The following CECR2 variants were observed in gnomAD, a reference collection of about 807,000 sequenced individuals.
CECR2 encodes chromatin remodeling regulator CECR2.
A neutral mutation model predicts 154.5 loss-of-function variants in CECR2; 30 were observed. The observed-to-expected ratio is 0.19, with a 90% CI of 0.15 to 0.26. The LOEUF (loss-of-function observed/expected upper bound fraction) is 0.26, where lower values mean the gene tolerates loss of function less well. Ranked by LOEUF, CECR2 falls within the 10% of genes least tolerant of loss-of-function variation. The pLI is 1.00. For missense variants in CECR2, 1,743 were observed against 1,829.3 expected (o/e 0.95, Z 0.86); for synonymous variants, 725 against 683.7 (o/e 1.06, Z -0.94).
chr22:17,388,757 C>T (rs2063294092), intron 1 of CECR2, among the ~76,000 whole-genome samples: 1 of 152,258 alleles, frequency 6.6e-6, no homozygotes, highest in Middle Eastern at 3.4e-3. Context: ...CTCCTTTTAT[C>T]ATTTTTCCAC....
rs1305053671 is a variant in CECR2 at position 17,553,623 on chromosome 22, T to C, written c.*783T>C. The C allele has an allele frequency of 1.3e-5, 2 of 152,218 alleles. No individual in the cohort carries two copies. Among genetic ancestry groups the C allele is most frequent in the South Asian group, 2.1e-4 (1 of 4,830 alleles). 9.4% of individuals were successfully genotyped at this position (152,218 alleles called of 1,614,324 possible). On this transcript the variant is annotated 3_prime_UTR_variant, in exon 19 of 19. Coordinates refer to ENST00000262608, the MANE Select transcript of CECR2 (RefSeq NM_001290047.2). Reference sequence around the variant, plus strand: ...CCTGGTGTCTCCATTGGAGGCAGACTGCTCTCAGGAGACTACTAGAAGCTT... The same window carrying C: ...CCTGGTGTCTCCATTGGAGGCAGACCGCTCTCAGGAGACTACTAGAAGCTT...
chr22:17,505,876 A>G (rs1220632388), intron 7 of CECR2, among the ~76,000 whole-genome samples: 8 of 112,466 alleles, frequency 7.1e-5, no homozygotes, highest in African/African-American at 1.8e-4. Context: ...AAGCTCTCTC[A>G]CTTTGTCGCC....
At chr22:17,370,660 C>T (rs1185568189) in intron 1 of CECR2, among the ~76,000 whole-genome samples, 1 of 152,154 alleles carries the variant, frequency 6.6e-6, no homozygotes, top group Non-Finnish European at 1.5e-5. Flanking sequence ...GCCATTCTGG[C>T]CAGGCCGGAG....
chr22:17,406,519 C>T (rs2053986845), intron 1 of CECR2, among the ~76,000 whole-genome samples: 1 of 152,118 alleles, frequency 6.6e-6, no homozygotes, highest in Admixed American at 6.6e-5. Context: ...GAACAGGATT[C>T]TGTTCCTCCC....
At position 17,513,378 on chromosome 22, in the gene CECR2, C is replaced by T. The variant is rs115427344; in HGVS notation, c.954+1482C>T. Reference sequence around the variant, plus strand: ...TTGAATTGTTACGTTACGGAGCCTTCCTTTTGCCTTTCAGTAACATTTTCA... The same window carrying T: ...TTGAATTGTTACGTTACGGAGCCTTTCTTTTGCCTTTCAGTAACATTTTCA... On this transcript the variant is annotated intron_variant, in intron 8 of 18. Transcript: ENST00000262608. Among the ~76,000 whole-genome samples, 304 of 152,294 alleles carry T rather than the reference C, an allele frequency of 2.0e-3. 2 individuals carry two copies. Among genetic ancestry groups the T allele is most frequent in the African/African-American group, 7.0e-3 (292 of 41,550 alleles).
intron 1 of CECR2, among the ~76,000 whole-genome samples, chr22:17,398,292 G>A (rs552081020): frequency 1.7e-4 from 26 of 152,124 alleles, no homozygotes; most frequent in Admixed American, 8.5e-4. Context: ...GGTATGACTC[G>A]TCCGATCTGG....
At chr22:17,463,874 A>AC (rs1244214879) in intron 1 of CECR2, among the ~76,000 whole-genome samples, 1 of 152,074 alleles carries the variant, frequency 6.6e-6, no homozygotes, top group African/African-American at 2.4e-5. Flanking sequence ...AAGAGGTCCA[A>AC]GGGGTGGTTC....
At chr22:17,482,112 C>A (rs1305792370) in intron 2 of CECR2, among the ~76,000 whole-genome samples, 1 of 53,540 alleles carries the variant, frequency 1.9e-5, no homozygotes, top group South Asian at 8.9e-4. Context: ...GAGACTCTGT[C>A]TCCAAAAAAA....
chr22:17,384,117 C>T (rs577292909), intron 1 of CECR2, among the ~76,000 whole-genome samples: 120 of 152,306 alleles, frequency 7.9e-4, no homozygotes, highest in African/African-American at 2.8e-3. Context: ...ATATTTGGAC[C>T]TCCTCCCATG....
rs772234587 is a variant in CECR2 at position 17,497,457 on chromosome 22, C to T, written c.276C>T (p.Leu92=). The part of the protein sequence containing the change: ...LEDIINYRWE[L]EEGKPNPLRE... ...ACATCATCAACTACCGCTGGGAGCT[C>T]GAAGAAGGGAAGCCCAACCCTCTGA... The change falls in exon 3 of 19, where the codon CTC becomes CTT. Residue 92 remains leucine, a synonymous_variant. Transcript: ENST00000262608. The T allele has an allele frequency of 6.2e-6, 10 of 1,613,800 alleles. No homozygotes were observed. Among genetic ancestry groups the T allele is most frequent in the East Asian group, 2.2e-5 (1 of 44,890 alleles).
In CECR2 at chr22:17,447,033, C is replaced by CTT. The variant is rs1555910503; in HGVS notation, c.127-30537_127-30536dup. ...GAGTGCTGAGTGGTGCGTTTACAATCTTTTTTTTTTTTTTTTTTTGAGACA... is the reference window on the plus strand; with the variant it reads ...GAGTGCTGAGTGGTGCGTTTACAATCTTTTTTTTTTTTTTTTTTTTTGAGACA... On this transcript the variant is annotated intron_variant, in intron 1 of 18. Transcript: ENST00000262608. Among the ~76,000 whole-genome samples, 114 of 114,076 alleles carry CTT rather than the reference C, an allele frequency of 1.0e-3. 5 individuals carry two copies. The Middle Eastern group carries it at 0.026, about 26-fold the overall frequency. The allele number at this position is 114,076 out of a possible 152,430, so 74.8% of individuals were successfully genotyped here.
At chr22:17,479,960 T>A (rs578045228) in intron 2 of CECR2, among the ~76,000 whole-genome samples, 15 of 151,956 alleles carry the variant, frequency 9.9e-5, no homozygotes, top group Non-Finnish European at 1.9e-4. Context: ...AGACAAGGTC[T>A]GTGTTCCCTG....
At chr22:17,378,414 A>G (rs529048296) in intron 1 of CECR2, among the ~76,000 whole-genome samples, 117 of 150,452 alleles carry the variant, frequency 7.8e-4, no homozygotes, top group Non-Finnish European at 7.4e-4. Flanking sequence ...CTCCTGCTTC[A>G]GCCTCCTGAG....
chr22:17,448,838 C>G (rs1195131081), intron 1 of CECR2, among the ~76,000 whole-genome samples: 2 of 151,954 alleles, frequency 1.3e-5, no homozygotes, highest in Non-Finnish European at 2.9e-5. Context: ...GCCTTCTGTT[C>G]TTCTTTCTCC....
At chr22:17,441,229 C>T (rs1601362043) in intron 1 of CECR2, among the ~76,000 whole-genome samples, 2 of 152,120 alleles carry the variant, frequency 1.3e-5, no homozygotes, top group Admixed American at 6.5e-5. Context: ...GGATTACAGG[C>T]GTGAGCCACC....
chr22:17,485,697 C>G (rs2146827491), intron 2 of CECR2, among the ~76,000 whole-genome samples: 1 of 152,164 alleles, frequency 6.6e-6, no homozygotes, highest in Non-Finnish European at 1.5e-5. Context: ...TCAGTGGAGC[C>G]CAGGAGGCGG....
At chr22:17,447,033 C>CTGT (rs1339121774) in intron 1 of CECR2, among the ~76,000 whole-genome samples, 4 of 114,102 alleles carry the variant, frequency 3.5e-5, no homozygotes, top group Admixed American at 9.4e-5. Context: ...CGTTTACAAT[C>CTGT]TTTTTTTTTT....
chr22:17,380,532 G>C (rs778592522), intron 1 of CECR2, among the ~76,000 whole-genome samples: 17 of 152,162 alleles, frequency 1.1e-4, no homozygotes, highest in Admixed American at 2.0e-4. Context: ...CCTAGGGTGG[G>C]TTTGCTGGAG....
At chr22:17,507,798 T>C (rs1308182164) in intron 7 of CECR2, among the ~76,000 whole-genome samples, 2 of 152,192 alleles carry the variant, frequency 1.3e-5, no homozygotes, top group East Asian at 3.8e-4. Flanking sequence ...TAGATAGTGC[T>C]TTTAAGTTCA....
Sources: gnomAD v4.1 joint callset for allele counts (sites outside exome capture counted in the v4.1 genomes callset) on GRCh38, gnomAD v4.1.1 for gene constraint, MANE v1.5 for transcripts, NCBI Gene and HGNC (gene_info 2026-07-23, HGNC 2026-07-21) for gene names.